The following ADGRL2 variants were observed in gnomAD, a reference collection of about 807,000 sequenced individuals.
ADGRL2 encodes the protein adhesion G protein-coupled receptor L2.
In ADGRL2, 44 loss-of-function variants were observed where a neutral mutation model predicts 157.4. The ratio of observed to expected loss-of-function variants is 0.28; its 90% CI spans 0.22 to 0.36. The LOEUF is 0.36. Among genes scored for constraint, ADGRL2 ranks in the 10% least tolerant of loss-of-function variants. The pLI is 1.00. For missense variants in ADGRL2, 1,510 were observed against 1,768.9 expected (o/e 0.85, Z 2.63); for synonymous variants, 585 against 624.7 (o/e 0.94, Z 0.95).
intron 3 of ADGRL2, among the ~76,000 whole-genome samples, chr1:81,635,259 G>A (rs1557524378): frequency 6.6e-6 from 1 of 152,046 alleles, no homozygotes; most frequent in Non-Finnish European, 1.5e-5. Flanking sequence ...TGCTTCCTGG[G>A]GTGACTTCCC....
intron 2 of ADGRL2, among the ~76,000 whole-genome samples, chr1:81,530,942 G>C (rs960061507): frequency 4.0e-5 from 6 of 151,048 alleles, no homozygotes; most frequent in African/African-American, 1.5e-4. Flanking sequence ...AATTTAGCCA[G>C]GCATGGTGGC....
chr1:81,604,716 G>T (rs182066598), intron 3 of ADGRL2, among the ~76,000 whole-genome samples: 8 of 152,196 alleles, frequency 5.3e-5, no homozygotes, highest in Middle Eastern at 3.4e-3. Flanking sequence ...ATCTTGTCTT[G>T]CAGTGCTCAG....
intron 1 of ADGRL2, among the ~76,000 whole-genome samples, chr1:81,320,082 C>T (rs1660401298): frequency 6.6e-6 from 1 of 152,158 alleles, no homozygotes; most frequent in Non-Finnish European, 1.5e-5. Flanking sequence ...CCTTTGTTGT[C>T]ATTTCAACAA....
intron 3 of ADGRL2, among the ~76,000 whole-genome samples, chr1:81,912,493 A>G (rs939625610): frequency 4.6e-5 from 7 of 152,232 alleles, no homozygotes; most frequent in African/African-American, 1.7e-4. Flanking sequence ...GCCATTGTTT[A>G]TACAGGTTTG....
chr1:81,591,902 T>C (rs1424753482), intron 3 of ADGRL2, among the ~76,000 whole-genome samples: 1 of 152,140 alleles, frequency 6.6e-6, no homozygotes, highest in African/African-American at 2.4e-5. Context: ...TAGCCTTAGA[T>C]GGTACCCAGA....
chr1:81,696,789 G>T (rs757999617), upstream of ADGRL2, among the ~76,000 whole-genome samples: 3 of 152,024 alleles, frequency 2.0e-5, no homozygotes, highest in Non-Finnish European at 4.4e-5. Context: ...AAATAGAGAG[G>T]AGTTGATGTT....
intron 2 of ADGRL2, among the ~76,000 whole-genome samples, chr1:81,898,008 T>C (rs2094423581): frequency 6.6e-6 from 1 of 152,178 alleles, no homozygotes. Flanking sequence ...AGGAAGAGGC[T>C]GATTTCGAGC....
intron 3 of ADGRL2, among the ~76,000 whole-genome samples, chr1:81,605,038 C>A (rs1342059833): frequency 2.0e-5 from 3 of 152,088 alleles, no homozygotes; most frequent in Admixed American, 1.3e-4. Context: ...TAGCTCAGGT[C>A]TTTTCTCTCA....
intron 1 of ADGRL2, among the ~76,000 whole-genome samples, chr1:81,710,806 A>G (rs1431337641): frequency 6.6e-6 from 1 of 151,324 alleles, no homozygotes; most frequent in Non-Finnish European, 1.5e-5. Flanking sequence ...GCCTTCTCAG[A>G]TAAATGTGCT....
At chr1:81,950,569 C>A in intron 7 of ADGRL2, 87 bp downstream of exon 7, 2 of 1,265,384 alleles carry the variant, frequency 1.6e-6, no homozygotes, top group Non-Finnish European at 2.2e-6. Flanking sequence ...TCAAAGAAAG[C>A]GATGTTTACA....
chr1:81,880,593 C>T (rs908443814), intron 2 of ADGRL2, among the ~76,000 whole-genome samples: 2 of 152,014 alleles, frequency 1.3e-5, no homozygotes, highest in African/African-American at 2.4e-5. Flanking sequence ...CAGTTGAATT[C>T]GAGGGCTTCT....
intron 1 of ADGRL2, among the ~76,000 whole-genome samples, chr1:81,391,851 A>G (rs2076565179): frequency 1.3e-5 from 2 of 152,170 alleles, no homozygotes; most frequent in Non-Finnish European, 2.9e-5. Context: ...GGAGTTTTGA[A>G]ATGCAATACA....
chr1:81,696,541 A>G (rs572834989), upstream of ADGRL2, among the ~76,000 whole-genome samples: 1 of 152,164 alleles, frequency 6.6e-6, no homozygotes, highest in Admixed American at 6.5e-5. Context: ...TCACAAGGTC[A>G]GGAGATAGAG....
chr1:81,877,406 T>G (rs2093869134), intron 2 of ADGRL2, among the ~76,000 whole-genome samples: 1 of 152,078 alleles, frequency 6.6e-6, no homozygotes, highest in African/African-American at 2.4e-5. Flanking sequence ...TTAAAGTAAT[T>G]ATAATATTAT....
chr1:81,454,271 C>A lies in ADGRL2; in HGVS notation c.-248+9182C>A, dbSNP rs746316418. Among the ~76,000 whole-genome samples the A allele has an allele frequency of 2.6e-5, 4 of 151,740 alleles. No individual in the cohort carries two copies. The South Asian group carries it at 8.3e-4, about 32-fold the overall frequency. Reference sequence around the variant, plus strand: ...TTAAAACCTTGTCATGCAAATGTAGCGTGAAGATTTCTGTCTCATGCAAAA... The same window carrying A: ...TTAAAACCTTGTCATGCAAATGTAGAGTGAAGATTTCTGTCTCATGCAAAA... On this transcript the variant is annotated intron_variant, in intron 2 of 24. Coordinates refer to the ADGRL2 transcript ENST00000370721.
At chr1:81,417,058 C>T (rs2077044892) in intron 1 of ADGRL2, among the ~76,000 whole-genome samples, 1 of 152,230 alleles carries the variant, frequency 6.6e-6, no homozygotes, top group East Asian at 1.9e-4. Flanking sequence ...TCATGCCATG[C>T]TATATTCTAT....
At chr1:81,371,600 CTT>C (rs1201796084) in intron 1 of ADGRL2, among the ~76,000 whole-genome samples, 3 of 152,142 alleles carry the variant, frequency 2.0e-5, no homozygotes, top group Non-Finnish European at 4.4e-5. Context: ...GTAAATGAAA[CTT>C]TGCATTACAT....
rs781482782 is a variant in ADGRL2, at chr1:81,971,886, A to C, written c.2989A>C (p.Ser997Arg). Residue 997 changes from serine (S) to arginine (R), a missense_variant, in exon 17 of 24, where the codon AGC (serine) becomes CGC (arginine). Ser to Arg is a moderately radical substitution (Grantham distance 110, BLOSUM62 -1). This residue lies in a region of ADGRL2 where 497 missense variants were observed against 627.2 expected (regional missense o/e 0.79). Transcript: ENST00000686636. ...TCATGTTGATAACTACTTTATATGG[A>C]GCTTCATTGGACCTGTTACCTTCAT... ...WLHVDNYFIW[S>R]FIGPVTFIIL... 1.9e-6 allele frequency: 3 copies of C among 1,611,378 alleles called. No individual in the cohort carries two copies. The highest frequency in any genetic ancestry group is 2.5e-6 in the Non-Finnish European group (3 of 1,178,606).
At chr1:81,537,057 T>C (rs1337931106) in intron 2 of ADGRL2, among the ~76,000 whole-genome samples, 1 of 152,234 alleles carries the variant, frequency 6.6e-6, no homozygotes, top group Non-Finnish European at 1.5e-5. Context: ...TGATAAATAC[T>C]TGTTAAATAC....
Sources: allele counts gnomAD v4.1 joint callset (sites outside exome capture counted in the v4.1 genomes callset), GRCh38; gene constraint gnomAD v4.1.1; regional missense constraint gnomAD v4.1.1; transcripts MANE v1.5; gene names NCBI Gene and HGNC (gene_info 2026-07-23, HGNC 2026-07-21).